The following APC variants were observed in gnomAD, a reference collection of about 807,000 sequenced individuals.
APC encodes APC regulator of Wnt signaling pathway, also known as adenomatous polyposis coli protein.
In APC, 72 loss-of-function variants were observed where a neutral mutation model predicts 247.0. The ratio of observed to expected loss-of-function variants is 0.29; its 90% CI spans 0.24 to 0.35. The LOEUF (loss-of-function observed/expected upper bound fraction) is 0.35, where lower values mean the gene tolerates loss of function less well. APC is among the 10% of genes least tolerant of loss of function. APC has a pLI of 1.00. For synonymous variants in APC, 1,254 were observed against 1,162.5 expected, an observed-to-expected ratio of 1.08 and a Z score of -1.60; for missense variants, 3,400 against 3,360.7, an observed-to-expected ratio of 1.01 and a Z score of -0.29.
Position 112,789,185 on chromosome 5 carries a change from A to G in APC, c.646-3261A>G, listed in dbSNP as rs996730166. 5.9e-5 allele frequency among the ~76,000 whole-genome samples: 9 copies of G among 152,338 alleles called. No individual in the cohort carries two copies. The East Asian group carries it at 1.7e-3, about 29-fold the overall frequency. On this transcript the variant is annotated intron_variant, in intron 6 of 15. Coordinates refer to ENST00000257430, the MANE Select transcript of APC (RefSeq NM_000038.6). Reference sequence around the variant, plus strand: ...AGTCCATACTCCTGAACAGTTTGTTATTAAATATAACTTCACAAATATTCT... The same window carrying G: ...AGTCCATACTCCTGAACAGTTTGTTGTTAAATATAACTTCACAAATATTCT...
At chr5:112,728,690 A>C (rs895894314) in intron 1 of APC, among the ~76,000 whole-genome samples, 2 of 152,002 alleles carry the variant, frequency 1.3e-5, no homozygotes, top group Admixed American at 1.3e-4. Flanking sequence ...TTTTTTATAA[A>C]GAGTATGACT....
At chr5:112,746,005 A>G (rs996067264) in intron 1 of APC, among the ~76,000 whole-genome samples, 1 of 152,218 alleles carries the variant, frequency 6.6e-6, no homozygotes, top group Non-Finnish European at 1.5e-5. Flanking sequence ...CACCAATAAA[A>G]TAAATGAAAC....
At chr5:112,758,353 C>T (rs893073666) in intron 2 of APC, among the ~76,000 whole-genome samples, 5 of 151,882 alleles carry the variant, frequency 3.3e-5, no homozygotes, top group Non-Finnish European at 5.9e-5. Context: ...GAGACGAAGT[C>T]TCACACTGTC....
intron 14 of APC, among the ~76,000 whole-genome samples, chr5:112,831,627 T>C (rs991204480): frequency 1.3e-5 from 2 of 152,210 alleles, no homozygotes; most frequent in African/African-American, 4.8e-5. Flanking sequence ...CTCCCCTGCA[T>C]GTTCCACATC....
intron 2 of APC, 135 bp downstream of exon 2, chr5:112,755,160 A>T: frequency 7.8e-7 from 1 of 1,274,338 alleles, no homozygotes; most frequent in Admixed American, 2.6e-5. Context: ...TTCTTGCAAA[A>T]GTTAGCATTT....
upstream of APC, among the ~76,000 whole-genome samples, chr5:112,733,306 G>A (rs781385550): frequency 2.0e-5 from 3 of 152,182 alleles, no homozygotes; most frequent in Non-Finnish European, 4.4e-5. Context: ...TGTGACAAAA[G>A]GGAATTAAAA....
At chr5:112,831,002 A>G (rs1368747249) in intron 14 of APC, among the ~76,000 whole-genome samples, 3 of 152,186 alleles carry the variant, frequency 2.0e-5, no homozygotes, top group Non-Finnish European at 4.4e-5. Flanking sequence ...TACTCTAATA[A>G]CCCTGTGTAG....
rs141952789 is a variant in APC, at chr5:112,825,939, A to G, written c.1409-1169A>G. Among the ~76,000 whole-genome samples, 16 of 152,328 alleles carry G rather than the reference A, an allele frequency of 1.1e-4. No homozygotes were observed. In the East Asian group the frequency reaches 2.5e-3, roughly 24 times the overall value. On this transcript the variant is annotated intron_variant, in intron 11 of 15. Coordinates refer to ENST00000257430, the MANE Select transcript of APC (RefSeq NM_000038.6). ...GCCACTGTTGCAGGTGAATGGAGGA[A>G]AATTTTCCTAAATATGATTTGGATT...
Position 112,844,404 on chromosome 5 carries a change from T to C in APC, c.*278T>C. The C allele has an allele frequency of 2.7e-6, 1 of 374,594 alleles. No homozygotes were observed. The allele number at this position is 374,594 out of a possible 1,614,324, so 23.2% of individuals were successfully genotyped here. A position where few individuals can be genotyped will look rare whatever the true frequency, so the allele number is the denominator to read the frequency against. On this transcript the variant is annotated 3_prime_UTR_variant, in exon 16 of 16. Coordinates refer to ENST00000257430, the MANE Select transcript of APC (RefSeq NM_000038.6). ...TTTAAAGTAGCATCCCATCCCAACT[T>C]CCTTTAATTATTGCTTGTCTTAAAA...
At chr5:112,817,581 T>G (rs1762642176) in intron 9 of APC, among the ~76,000 whole-genome samples, 1 of 152,218 alleles carries the variant, frequency 6.6e-6, no homozygotes, top group African/African-American at 2.4e-5. Context: ...AACATGTAGT[T>G]TTTACTATAA....
At chr5:112,835,497 C>G (rs1206887329) in intron 15 of APC, among the ~76,000 whole-genome samples, 1 of 150,968 alleles carries the variant, frequency 6.6e-6, no homozygotes, top group Middle Eastern at 3.2e-3. Flanking sequence ...TAGAACAAGA[C>G]AAAAACTATG....
intron 4 of APC, among the ~76,000 whole-genome samples, chr5:112,770,543 A>G (rs1430841835): frequency 1.3e-5 from 2 of 152,132 alleles, no homozygotes; most frequent in Admixed American, 1.3e-4. Context: ...AAGTTGCTTT[A>G]TCTGGAGAGA....
upstream of APC, among the ~76,000 whole-genome samples, chr5:112,734,399 C>T (rs1033830415): frequency 6.6e-6 from 1 of 152,174 alleles, no homozygotes; most frequent in Non-Finnish European, 1.5e-5. Flanking sequence ...GCTTTTCCAT[C>T]GTACCATAAC....
Position 112,761,107 on chromosome 5 carries a change from C to T in APC, c.136-5219C>T, listed in dbSNP as rs144827728. On this transcript the variant is annotated intron_variant, in intron 2 of 15. Coordinates refer to ENST00000257430, the MANE Select transcript of APC (RefSeq NM_000038.6). ...TACAGGTGTGAGCCACCACCCCCAGCGGGTCCCAATCCATTTTTAGTTGCT... is the reference window on the plus strand; with the variant it reads ...TACAGGTGTGAGCCACCACCCCCAGTGGGTCCCAATCCATTTTTAGTTGCT... Among the ~76,000 whole-genome samples the T allele has an allele frequency of 3.3e-5, 5 of 152,260 alleles. No homozygotes were observed. The South Asian group carries it at 6.2e-4, about 19-fold the overall frequency.
chr5:112,823,582 A>G (rs771416283), intron 11 of APC, among the ~76,000 whole-genome samples: 3 of 152,232 alleles, frequency 2.0e-5, no homozygotes, highest in Non-Finnish European at 4.4e-5. Context: ...TCCTTAGTTC[A>G]GTCAGCTGGG....
At chr5:112,769,467 A>G (rs1756781726) in intron 4 of APC, among the ~76,000 whole-genome samples, 1 of 152,226 alleles carries the variant, frequency 6.6e-6, no homozygotes, top group South Asian at 2.1e-4. Context: ...TAAAGTTAAC[A>G]TTATCTCACT....
chr5:112,739,540 T>G (rs1200289497), intron 1 of APC, among the ~76,000 whole-genome samples: 1 of 152,240 alleles, frequency 6.6e-6, no homozygotes, highest in African/African-American at 2.4e-5. Context: ...CTTTAAGAAT[T>G]ACTTGATCAT....
chr5:112,750,263 C>G (rs1342292263), intron 1 of APC, among the ~76,000 whole-genome samples: 1 of 152,064 alleles, frequency 6.6e-6, no homozygotes, highest in African/African-American at 2.4e-5. Flanking sequence ...GCCACCTGGC[C>G]AATGCTTTGC....
intron 7 of APC, among the ~76,000 whole-genome samples, chr5:112,797,866 C>A (rs1009354691): frequency 1.2e-4 from 18 of 152,112 alleles, no homozygotes; most frequent in African/African-American, 4.3e-4. Flanking sequence ...AAATGCAAAT[C>A]AAAGCCCAAG....
Sources: allele counts gnomAD v4.1 joint callset (sites outside exome capture counted in the v4.1 genomes callset), GRCh38; gene constraint gnomAD v4.1.1; transcripts MANE v1.5; gene names NCBI Gene and HGNC (gene_info 2026-07-23, HGNC 2026-07-21).